Variants in DLG2 observed in about 807,000 individuals in gnomAD.
DLG2 encodes disks large homolog 2.
A neutral mutation model predicts 132.5 loss-of-function variants in DLG2; 45 were observed. That is an observed-to-expected ratio of 0.34 (90% CI 0.27 to 0.44). DLG2 has a LOEUF of 0.44. DLG2 is among the 20% of genes least tolerant of loss of function. The pLI is 1.00. For synonymous variants in DLG2, 424 were observed against 419.6 expected (o/e 1.01, Z -0.13); for missense variants, 1,045 against 1,196.9 (o/e 0.87, Z 1.87).
At position 84,373,623 on chromosome 11, in the gene DLG2, T is replaced by C. The variant is rs143138567; in HGVS notation, c.520-122332A>G. On this transcript the variant is annotated intron_variant, in intron 7 of 27. Transcript: ENST00000376104. ...AGTTAGGGTGCTTGTGGGGAAAAAC[T>C]GAAATAATGACTAGTGAAGGAGGAA... is the stretch of plus-strand genomic sequence containing the variant. Among the ~76,000 whole-genome samples the C allele has an allele frequency of 2.2e-3, 334 of 152,000 alleles. 2 individuals are homozygous for C. The highest frequency in any genetic ancestry group is 7.8e-3 in the African/African-American group (323 of 41,502).
At chr11:84,596,190 G>C (rs1023483126) in intron 6 of DLG2, among the ~76,000 whole-genome samples, 6 of 144,732 alleles carry the variant, frequency 4.1e-5, no homozygotes, top group Non-Finnish European at 6.0e-5. Flanking sequence ...TCTTTTCTCT[G>C]TCTCTCTCTC....
chr11:83,703,005 G>GA (rs528524006), intron 18 of DLG2, among the ~76,000 whole-genome samples: 316 of 152,314 alleles, frequency 2.1e-3, no homozygotes, highest in African/African-American at 7.1e-3. Context: ...CCCCAGGGGG[G>GA]AAAATATATT....
intron 6 of DLG2, among the ~76,000 whole-genome samples, chr11:84,674,648 G>C (rs1240915074): frequency 1.3e-5 from 2 of 152,128 alleles, no homozygotes; most frequent in Non-Finnish European, 2.9e-5. Flanking sequence ...GAGTATACAA[G>C]ATTATTAGGA....
Position 85,180,407 on chromosome 11 carries a change from C to T in DLG2, c.187-25756G>A, listed in dbSNP as rs569520186. 1.6e-4 allele frequency among the ~76,000 whole-genome samples: 24 copies of T among 151,806 alleles called. 1 individual carries two copies. The highest frequency in any genetic ancestry group is 5.1e-4 in the African/African-American group (21 of 41,460). On this transcript the variant is annotated intron_variant, in intron 4 of 27. Coordinates refer to ENST00000376104, the MANE Select transcript of DLG2 (RefSeq NM_001142699.3). Reference sequence around the variant, plus strand: ...ACATTAATGATCAAGGGAGAGAGGGCAAACCACAAAGTCCTTTCATTAACT... The same window carrying T: ...ACATTAATGATCAAGGGAGAGAGGGTAAACCACAAAGTCCTTTCATTAACT...
intron 3 of DLG2, among the ~76,000 whole-genome samples, chr11:85,350,330 T>C (rs2083187900): frequency 6.6e-6 from 1 of 152,246 alleles, no homozygotes; most frequent in Admixed American, 6.5e-5. Context: ...ATGAGTAGAT[T>C]GCAAAAATTT....
chr11:84,071,259 T>A (rs1219541625), intron 10 of DLG2, among the ~76,000 whole-genome samples: 2 of 151,792 alleles, frequency 1.3e-5, no homozygotes, highest in African/African-American at 4.8e-5. Context: ...ACTGGCTTTT[T>A]TTTTATTTTT....
chr11:84,166,500 C>CA (rs398016937), intron 8 of DLG2, among the ~76,000 whole-genome samples: 57,105 of 81,126 alleles, frequency 0.7, 19,876 homozygotes, highest in Non-Finnish European at 0.78. Flanking sequence ...GACTCTGCTT[C>CA]AAAAAAAAAA....
chr11:84,924,769 T>G (rs1045983282), intron 6 of DLG2, among the ~76,000 whole-genome samples: 6 of 152,216 alleles, frequency 3.9e-5, no homozygotes, highest in Non-Finnish European at 1.5e-5. Flanking sequence ...CCACTTATTT[T>G]GATTTCCAGT....
At chr11:84,113,238 T>G (rs528926629) in intron 9 of DLG2, among the ~76,000 whole-genome samples, 1 of 152,164 alleles carries the variant, frequency 6.6e-6, no homozygotes, top group Non-Finnish European at 1.5e-5. Flanking sequence ...GTCCATAACT[T>G]TATAATATTC....
intron 19 of DLG2, among the ~76,000 whole-genome samples, chr11:83,613,267 A>T (rs2060362888): frequency 6.6e-6 from 1 of 152,224 alleles, no homozygotes; most frequent in South Asian, 2.1e-4. Flanking sequence ...GGGTAAACCT[A>T]GTTGTACCTG....
intron 6 of DLG2, among the ~76,000 whole-genome samples, chr11:84,590,652 C>CTA (rs1387159308): frequency 6.6e-6 from 1 of 151,946 alleles, no homozygotes; most frequent in East Asian, 1.9e-4. Flanking sequence ...TGGTAAAGTG[C>CTA]TATAGTCTAA....
intron 10 of DLG2, among the ~76,000 whole-genome samples, chr11:84,062,819 G>A (rs1203966867): frequency 6.6e-6 from 1 of 151,678 alleles, no homozygotes; most frequent in South Asian, 2.1e-4. Flanking sequence ...AAGTATGTCA[G>A]GCCAAACTAG....
intron 7 of DLG2, among the ~76,000 whole-genome samples, chr11:84,459,067 T>C (rs1053076242): frequency 1.3e-5 from 2 of 150,686 alleles, no homozygotes; most frequent in Non-Finnish European, 3.0e-5. Flanking sequence ...TCCCTAAGCC[T>C]GCACTCTTAA....
intron 6 of DLG2, among the ~76,000 whole-genome samples, chr11:84,946,272 A>G (rs948401407): frequency 6.6e-6 from 1 of 152,048 alleles, no homozygotes; most frequent in African/African-American, 2.4e-5. Context: ...TCCTTTCTTC[A>G]AACAGAAGGA....
chr11:83,855,463 C>T (rs2060384254), intron 16 of DLG2, among the ~76,000 whole-genome samples: 2 of 152,234 alleles, frequency 1.3e-5, no homozygotes, highest in East Asian at 1.9e-4. Flanking sequence ...CACTGTGGTA[C>T]ATCTAGAAAA....
At chr11:83,507,442 C>G (rs111830004) in intron 21 of DLG2, among the ~76,000 whole-genome samples, 1 of 143,388 alleles carries the variant, frequency 7.0e-6, no homozygotes, top group African/African-American at 2.6e-5. Flanking sequence ...ATATATATAT[C>G]TGTATATATA....
chr11:83,558,487 T>C (rs555532783), intron 19 of DLG2, among the ~76,000 whole-genome samples: 6 of 152,314 alleles, frequency 3.9e-5, no homozygotes, highest in South Asian at 4.1e-4. Context: ...CTAACTGTTA[T>C]TGAATGCCTG....
chr11:85,533,007 T>TTTGTTGTTGTTGTTG (rs142405019), intron 3 of DLG2, among the ~76,000 whole-genome samples: 16 of 151,240 alleles, frequency 1.1e-4, no homozygotes, highest in South Asian at 4.2e-4. Context: ...CTAAGGTGTT[T>TTTGTTGTTGTTGTTG]TTGTTGTTGT....
intron 16 of DLG2, among the ~76,000 whole-genome samples, chr11:83,866,669 T>TA (rs2062445706): frequency 3.3e-5 from 5 of 152,108 alleles, no homozygotes; most frequent in South Asian, 2.1e-4. Flanking sequence ...TATTAAAACT[T>TA]TAAAAGGTTT....
Sources: allele counts gnomAD v4.1 joint callset (sites outside exome capture counted in the v4.1 genomes callset), GRCh38; gene constraint gnomAD v4.1.1; transcripts MANE v1.5; gene names NCBI Gene and HGNC (gene_info 2026-07-23, HGNC 2026-07-21).